The following TTL variants were observed in gnomAD, a reference collection of about 807,000 sequenced individuals.
TTL encodes the protein tubulin--tyrosine ligase.
TTL carries 10 observed loss-of-function variants against 41.1 expected under a neutral mutation model. The observed-to-expected ratio is 0.24, with a 90% confidence interval of 0.15 to 0.41. The LOEUF (loss-of-function observed/expected upper bound fraction) is 0.41. Among genes scored for constraint, TTL ranks in the 10% least tolerant of loss-of-function variants. TTL has a pLI of 1.00. For missense variants in TTL, 367 were observed against 460.4 expected, an observed-to-expected ratio of 0.80 and a Z score of 1.86; for synonymous variants, 175 against 175.5, an observed-to-expected ratio of 1.00 and a Z score of 0.02.
At chr2:112,513,910 G>T (rs1681996686) in intron 5 of TTL, among the ~76,000 whole-genome samples, 1 of 152,020 alleles carries the variant, frequency 6.6e-6, no homozygotes, top group African/African-American at 2.4e-5. Flanking sequence ...GATAGTGGAT[G>T]GTGGGTACAT....
chr2:112,521,562 A>G (rs1347228667), intron 6 of TTL, among the ~76,000 whole-genome samples: 4 of 152,232 alleles, frequency 2.6e-5, no homozygotes, highest in African/African-American at 9.6e-5. Flanking sequence ...GTTGTTCTTT[A>G]CTTAGAAGCT....
At position 112,482,957 on chromosome 2, in the gene TTL, G is replaced by C. The variant is rs1395287719; in HGVS notation, c.157+456G>C. Among the ~76,000 whole-genome samples the C allele has an allele frequency of 6.6e-6, 1 of 152,224 alleles. No homozygotes were observed. On this transcript the variant is annotated intron_variant, in intron 1 of 6. Transcript: ENST00000233336. The surrounding 1 kb of genome is among the most constrained non-coding windows in gnomAD (Gnocchi z 5.3). ...TGGCGTGGGCGCGGGCGGGGGAGCCGTAGGTGTTGAAACCCCTGAGGCTTC... is the reference window on the plus strand; with the variant it reads ...TGGCGTGGGCGCGGGCGGGGGAGCCCTAGGTGTTGAAACCCCTGAGGCTTC...
At position 112,534,582 on chromosome 2, in the gene TTL, C is replaced by G. The variant is rs1239139606; in HGVS notation, c.*5787C>G. On this transcript the variant is annotated 3_prime_UTR_variant, in exon 7 of 7. Transcript: ENST00000233336. Reference sequence around the variant, plus strand: ...TCCATGTAAGTCCCTACTCCTAGGTCTTGTCTTTATTTGATGTGACTAAGA... The same window carrying G: ...TCCATGTAAGTCCCTACTCCTAGGTGTTGTCTTTATTTGATGTGACTAAGA... 1 of 152,230 alleles carries G rather than the reference C, an allele frequency of 6.6e-6. No individual in the cohort carries two copies. The highest frequency in any genetic ancestry group is 1.5e-5 in the Non-Finnish European group (1 of 68,018). The allele number at this position is 152,230 out of a possible 1,614,324, so 9.4% of individuals were successfully genotyped here.
chr2:112,541,130 A>G lies in TTL; in HGVS notation c.*12335A>G, dbSNP rs1682721322. 1 of 152,180 alleles carries G rather than the reference A, an allele frequency of 6.6e-6. No individual in the cohort carries two copies. Among genetic ancestry groups the G allele is most frequent in the Non-Finnish European group, 1.5e-5 (1 of 68,040 alleles). The allele number at this position is 152,180 out of a possible 1,614,324, so 9.4% of individuals were successfully genotyped here. ...TACCTCATAAATATGCTAATTATGTACCCATAAATTTTTTTTTAAATCCTC... is the reference window on the plus strand; with the variant it reads ...TACCTCATAAATATGCTAATTATGTGCCCATAAATTTTTTTTTAAATCCTC... On this transcript the variant is annotated 3_prime_UTR_variant, in exon 7 of 7. Coordinates refer to ENST00000233336, the MANE Select transcript of TTL (RefSeq NM_153712.5).
intron 2 of TTL, among the ~76,000 whole-genome samples, chr2:112,489,172 T>C (rs1259299008): frequency 6.6e-6 from 1 of 152,224 alleles, no homozygotes; most frequent in Non-Finnish European, 1.5e-5. Flanking sequence ...GACATGTAAT[T>C]AATATAAAAA....
chr2:112,523,115 G>A (rs991505543), intron 6 of TTL, among the ~76,000 whole-genome samples: 3 of 152,118 alleles, frequency 2.0e-5, no homozygotes, highest in Non-Finnish European at 4.4e-5. Context: ...GCTCTTATCT[G>A]CAGTGGGCCT....
At position 112,482,309 on chromosome 2, in the gene TTL, C is replaced by CG. The variant is rs1350728708; in HGVS notation, c.-34dup. The CG allele has an allele frequency of 7.0e-7, 1 of 1,434,258 alleles. No homozygotes were observed. Among genetic ancestry groups the CG allele is most frequent in the South Asian group, 1.3e-5 (1 of 78,622 alleles). 88.8% of individuals were successfully genotyped at this position (1,434,258 alleles called of 1,614,324 possible). A position where few individuals can be genotyped will look rare whatever the true frequency, so the allele number is the denominator to read the frequency against. ...CTTCTCGGCCGCCTGGTCCCTGCGG[C>CG]GGCTGCCCGGCGGCCCGGGCGCGCG... On this transcript the variant is annotated 5_prime_UTR_variant, in exon 1 of 7. Transcript: ENST00000233336. The surrounding 1 kb of genome is among the most constrained non-coding windows in gnomAD (Gnocchi z 5.3).
chr2:112,503,920 G>A (rs1380533535), intron 5 of TTL, among the ~76,000 whole-genome samples: 1 of 86,374 alleles, frequency 1.2e-5, no homozygotes, highest in Non-Finnish European at 2.2e-5. Flanking sequence ...CCACTAATGT[G>A]TCATCTAGCA....
chr2:112,496,253 GA>G (rs1359621132), intron 3 of TTL, among the ~76,000 whole-genome samples: 2 of 152,158 alleles, frequency 1.3e-5, no homozygotes, highest in South Asian at 4.1e-4. Context: ...GAAGTCAAGA[GA>G]GAATAAAATG....
intron 3 of TTL, among the ~76,000 whole-genome samples, chr2:112,496,715 T>C (rs1473999758): frequency 6.8e-6 from 1 of 147,284 alleles, no homozygotes; most frequent in African/African-American, 2.5e-5. Flanking sequence ...GTGTATTTTT[T>C]TTTTTTTTTT....
intron 2 of TTL, among the ~76,000 whole-genome samples, chr2:112,492,557 C>T (rs189924904): frequency 5.9e-5 from 9 of 152,228 alleles, no homozygotes; most frequent in Non-Finnish European, 1.0e-4. Flanking sequence ...GGTGAAACCC[C>T]GTCTCTACTA....
intron 5 of TTL, among the ~76,000 whole-genome samples, chr2:112,515,052 T>C (rs948845267): frequency 9.9e-5 from 15 of 152,228 alleles, no homozygotes; most frequent in Admixed American, 9.8e-4. Flanking sequence ...AGCGTGCTTT[T>C]TAGTTCTGAA....
intron 6 of TTL, among the ~76,000 whole-genome samples, chr2:112,525,748 T>G (rs1379190171): frequency 3.3e-5 from 5 of 152,202 alleles, no homozygotes. Context: ...ACAATTTGAC[T>G]TCCTTTTTTC....
At position 112,528,742 on chromosome 2, in the gene TTL, C is replaced by T; in HGVS notation, c.1081C>T (p.Pro361Ser). Residue 361 changes from proline to serine, a missense_variant, in exon 7 of 7, where the codon CCC becomes TCC. By Grantham distance (74) the Pro-to-Ser change is moderately conservative (BLOSUM62 -1). Coordinates refer to ENST00000233336, the MANE Select transcript of TTL (RefSeq NM_153712.5). Reference protein sequence around the residue: ...VDIAISSVFPPPDVEQPQTQP... With the variant: ...VDIAISSVFPSPDVEQPQTQP... ...CATAGCCATTTCCAGTGTCTTCCCA[C>T]CCCCAGATGTGGAGCAACCTCAGAC... 6.2e-7 allele frequency: 1 copy of T among 1,614,176 alleles called. No individual in the cohort carries two copies. Among genetic ancestry groups the T allele is most frequent in the Non-Finnish European group, 8.5e-7 (1 of 1,180,014 alleles).
At chr2:112,518,052 C>T (rs954733562) in intron 5 of TTL, among the ~76,000 whole-genome samples, 2 of 151,882 alleles carry the variant, frequency 1.3e-5, no homozygotes, top group African/African-American at 4.8e-5. Flanking sequence ...CCTCTGCCTC[C>T]CACGTTCAAG....
chr2:112,492,059 C>T (rs1045061743), intron 2 of TTL, among the ~76,000 whole-genome samples: 1 of 152,152 alleles, frequency 6.6e-6, no homozygotes. Context: ...ATGCTCTCTG[C>T]ATAGTAAACA....
chr2:112,523,131 C>T (rs1375124654), intron 6 of TTL, among the ~76,000 whole-genome samples: 1 of 152,176 alleles, frequency 6.6e-6, no homozygotes, highest in Non-Finnish European at 1.5e-5. Flanking sequence ...GGCCTTTGTG[C>T]TTTCTGTTAC....
intron 4 of TTL, 115 bp downstream of exon 4, chr2:112,501,456 T>TA (rs1183996721): frequency 1.1e-6 from 1 of 910,014 alleles, no homozygotes; most frequent in Non-Finnish European, 1.6e-6. Flanking sequence ...TTTAATATGT[T>TA]ACCAAAATTG....
In TTL at chr2:112,494,293, A is replaced by G; in HGVS notation, c.387A>G (p.Glu129=). Residue 129 remains glutamate (E), a synonymous_variant, in exon 3 of 7, where the codon GAA becomes GAG. Transcript: ENST00000233336. ...GTAACTCAAGGACAGATGAAAGAGA[A>G]TTCTTTCTCGCCTCTTATAACAGAA... ...PISNSRTDER[E]FFLASYNRKK... 3.1e-6 allele frequency: 5 copies of G among 1,614,210 alleles called. No individual in the cohort carries two copies. The highest frequency in any genetic ancestry group is 4.2e-6 in the Non-Finnish European group (5 of 1,180,038).
Sources: allele counts gnomAD v4.1 joint callset (sites outside exome capture counted in the v4.1 genomes callset), GRCh38; gene constraint gnomAD v4.1.1; non-coding constraint Gnocchi (gnomAD v3.1); transcripts MANE v1.5; gene names NCBI Gene and HGNC (gene_info 2026-07-23, HGNC 2026-07-21).